The following NAA40 variants were observed in gnomAD, a reference collection of about 807,000 sequenced individuals.
NAA40 encodes the protein N-alpha-acetyltransferase 40.
A neutral mutation model predicts 36.6 loss-of-function variants in NAA40; 26 were observed. The observed-to-expected ratio is 0.71, with a 90% CI of 0.52 to 0.98. The LOEUF is 0.98. Among genes scored for constraint, NAA40 ranks in the 50% least tolerant of loss-of-function variants. The pLI is 0.00. For missense variants in NAA40, 237 were observed against 306.5 expected, an observed-to-expected ratio of 0.77 and a Z score of 1.69; for synonymous variants, 129 against 108.4, an observed-to-expected ratio of 1.19 and a Z score of -1.18.
At chr11:63,946,040 C>A in intron 2 of NAA40, 105 bp downstream of exon 2, 2 of 942,628 alleles carry the variant, frequency 2.1e-6, no homozygotes, top group Non-Finnish European at 3.3e-6. Context: ...ACACTACCCA[C>A]CCACACCGCC....
intron 3 of NAA40, 48 bp downstream of exon 3, chr11:63,947,051 AG>A: frequency 6.4e-7 from 1 of 1,551,870 alleles, no homozygotes; most frequent in Non-Finnish European, 8.9e-7. Flanking sequence ...GAGTGTCTTC[AG>A]GAATTCCCTT....
At chr11:63,941,504 C>A (rs1317004199) in intron 1 of NAA40, among the ~76,000 whole-genome samples, 2 of 152,034 alleles carry the variant, frequency 1.3e-5, no homozygotes, top group African/African-American at 4.8e-5. Flanking sequence ...ATGCCAAATT[C>A]TTTTTCTGAA....
At chr11:63,941,755 T>C (rs1162149357) in intron 1 of NAA40, among the ~76,000 whole-genome samples, 1 of 152,128 alleles carries the variant, frequency 6.6e-6, no homozygotes, top group Non-Finnish European at 1.5e-5. Context: ...GGTTTCACCA[T>C]GTTGGCTAGG....
chr11:63,939,599 C>A (rs972254003), intron 1 of NAA40: 1 of 555,826 alleles, frequency 1.8e-6, no homozygotes, highest in Non-Finnish European at 2.3e-6. Flanking sequence ...CTGCCCTTCC[C>A]GTTACTCGAG....
chr11:63,945,560 C>T (rs1251658351), intron 1 of NAA40, among the ~76,000 whole-genome samples: 1 of 152,088 alleles, frequency 6.6e-6, no homozygotes, highest in African/African-American at 2.4e-5. Flanking sequence ...CTGCTGTAGG[C>T]GTTGTCAGCT....
chr11:63,954,625 G>A lies in NAA40; in HGVS notation c.*146G>A. 1 of 844,980 alleles carries A rather than the reference G, an allele frequency of 1.2e-6. No homozygotes were observed. Among genetic ancestry groups the A allele is most frequent in the African/African-American group, 1.8e-5 (1 of 56,794 alleles). 52.3% of individuals were successfully genotyped at this position (844,980 alleles called of 1,614,324 possible). A position where few individuals can be genotyped will look rare whatever the true frequency, so the allele number is the denominator to read the frequency against. On this transcript the variant is annotated 3_prime_UTR_variant, in exon 8 of 8. Transcript: ENST00000377793. The stretch of plus-strand genomic sequence containing the variant: ...GCGCCCTGAGAGCACAGAACCCTGG[G>A]GAGAAGTGGTATCAGCTGCTCCTCC...
chr11:63,941,831 G>T (rs1379686695), intron 1 of NAA40, among the ~76,000 whole-genome samples: 1 of 152,132 alleles, frequency 6.6e-6, no homozygotes, highest in Non-Finnish European at 1.5e-5. Flanking sequence ...TGGGGTTATA[G>T]GCATGAGCCA....
chr11:63,939,470 A>C, intron 1 of NAA40: 1 of 1,043,592 alleles, frequency 9.6e-7, no homozygotes, highest in South Asian at 4.2e-5. Context: ...GTCGCTTTTC[A>C]CATCCGAGGT....
chr11:63,941,065 A>G (rs1942100843), intron 1 of NAA40, among the ~76,000 whole-genome samples: 1 of 152,236 alleles, frequency 6.6e-6, no homozygotes, highest in African/African-American at 2.4e-5. Context: ...AGGGTGAAGG[A>G]AAAAAGAAAT....
chr11:63,952,223 C>G lies in NAA40; in HGVS notation c.156-15C>G. On this transcript the variant is annotated splice_polypyrimidine_tract_variant and intron_variant, in intron 3 of 7. Transcript: ENST00000377793. Reference sequence around the variant, plus strand: ...TGCTGTAACCAATTCCGTACACGTCCTGTCCTCTTCTCAGGTTGAATGTCT... The same window carrying G: ...TGCTGTAACCAATTCCGTACACGTCGTGTCCTCTTCTCAGGTTGAATGTCT... 1 of 1,594,812 alleles carries G rather than the reference C, an allele frequency of 6.3e-7. No homozygotes were observed. Among genetic ancestry groups the G allele is most frequent in the Non-Finnish European group, 8.6e-7 (1 of 1,166,952 alleles).
chr11:63,946,449 C>T (rs993731384), intron 2 of NAA40: 3 of 889,318 alleles, frequency 3.4e-6, no homozygotes, highest in Admixed American at 9.8e-5. Flanking sequence ...AAGCATTTCA[C>T]CTGCCTTGGC....
At chr11:63,949,741 CTG>C (rs1491434308) in intron 3 of NAA40, among the ~76,000 whole-genome samples, 6 of 118,218 alleles carry the variant, frequency 5.1e-5, no homozygotes, top group Non-Finnish European at 6.9e-5. Flanking sequence ...AACTTGCAAG[CTG>C]TTTTTTTTTT....
At position 63,955,981 on chromosome 11, in the gene NAA40, C is replaced by CT. The variant is rs1217526449; in HGVS notation, c.*1503dup. 1 of 152,614 alleles carries CT rather than the reference C, an allele frequency of 6.6e-6. No homozygotes were observed. The highest frequency in any genetic ancestry group is 1.5e-5 in the Non-Finnish European group (1 of 68,112). The allele number at this position is 152,614 out of a possible 1,614,324, so 9.5% of individuals were successfully genotyped here. A position where few individuals can be genotyped will look rare whatever the true frequency, so the allele number is the denominator to read the frequency against. The stretch of plus-strand genomic sequence containing the variant: ...CTCACATCCCACCCTCTGCCCAACT[C>CT]TGGCAGTCTCTCCTGGCAGATCTCC... On this transcript the variant is annotated 3_prime_UTR_variant, in exon 8 of 8. Transcript: ENST00000377793.
intron 6 of NAA40, among the ~76,000 whole-genome samples, chr11:63,953,044 TC>T (rs1942306761): frequency 1.1e-5 from 1 of 92,682 alleles, no homozygotes; most frequent in Non-Finnish European, 2.2e-5. Flanking sequence ...GCAGTGAACA[TC>T]TTTTTTTTTT....
At chr11:63,950,717 C>T (rs1050232246) in intron 3 of NAA40, among the ~76,000 whole-genome samples, 3 of 152,086 alleles carry the variant, frequency 2.0e-5, no homozygotes, top group Non-Finnish European at 2.9e-5. Context: ...CCGCCTCGGC[C>T]TCCCAAAGTG....
chr11:63,953,308 G>A lies in NAA40; in HGVS notation c.494+469G>A, dbSNP rs113029314. On this transcript the variant is annotated intron_variant, in intron 6 of 7. Transcript: ENST00000377793. ...GATCTACCTACCTCAGCCTCCCAAA[G>A]TGCTGGGATTACAGGCATGAGCCAC... Among the ~76,000 whole-genome samples, 750 of 152,230 alleles carry A rather than the reference G, an allele frequency of 4.9e-3. 8 individuals are homozygous for A. Among genetic ancestry groups the A allele is most frequent in the African/African-American group, 0.017 (689 of 41,542 alleles).
chr11:63,940,711 C>G (rs1346974419), intron 1 of NAA40, among the ~76,000 whole-genome samples: 2 of 151,276 alleles, frequency 1.3e-5, no homozygotes, highest in African/African-American at 4.9e-5. Flanking sequence ...TTTTTCCCGT[C>G]ACTCCACTAT....
chr11:63,939,121 G>A lies in NAA40; in HGVS notation c.6+19G>A. 6.2e-7 allele frequency: 1 copy of A among 1,602,378 alleles called. No individual in the cohort carries two copies. On this transcript the variant is annotated intron_variant, in intron 1 of 7. Transcript: ENST00000377793. ...TATGGGGGTGAGTGAGGCAGAGAGA[G>A]GAGATGGGAGGTCCAGGGGCGCTCC...
In NAA40 at chr11:63,953,973, A is replaced by G. The variant is rs775307695; in HGVS notation, c.496A>G (p.Thr166Ala). 6 of 1,613,830 alleles carry G rather than the reference A, an allele frequency of 3.7e-6. No individual in the cohort carries two copies. Among genetic ancestry groups the G allele is most frequent in the Non-Finnish European group, 4.2e-6 (5 of 1,179,898 alleles). The stretch of plus-strand genomic sequence containing the variant: ...GGCGTTTGCTCTGCTTTCTTCCAGC[A>G]CACAGATGAAGAAGGTTATGTTAAC... ...IQILQLMANS[T>A]QMKKVMLTVF... The change falls in exon 7 of 8, where the codon ACA becomes GCA. Residue 166 changes from threonine (T) to alanine (A), a missense_variant and splice_region_variant. Physicochemically the swap from Thr to Ala is moderately conservative, Grantham distance 58 (BLOSUM62 0). Transcript: ENST00000377793.
Sources: gnomAD v4.1 joint callset for allele counts (sites outside exome capture counted in the v4.1 genomes callset) on GRCh38, gnomAD v4.1.1 for gene constraint, MANE v1.5 for transcripts, NCBI Gene and HGNC (gene_info 2026-07-23, HGNC 2026-07-21) for gene names.